The following AFG1L variants were observed in gnomAD, a reference collection of about 807,000 sequenced individuals.
AFG1L encodes the protein AFG1 like ATPase, also known as AFG1-like ATPase.
In AFG1L, 53 loss-of-function variants were observed where a neutral mutation model predicts 62.2. The ratio of observed to expected loss-of-function variants is 0.85; its 90% confidence interval spans 0.68 to 1.07. AFG1L has a LOEUF of 1.07. AFG1L is among the 50% of genes least tolerant of loss of function. The probability of loss-of-function intolerance (pLI) is 0.00; values close to 1 mark genes in which losing one functional copy is unlikely to be tolerated. For missense variants in AFG1L, 555 were observed against 590.5 expected (o/e 0.94, Z 0.62); for synonymous variants, 228 against 210.3 (o/e 1.08, Z -0.73).
intron 7 of AFG1L, among the ~76,000 whole-genome samples, chr6:108,406,755 A>G (rs765700247): frequency 1.3e-5 from 2 of 152,108 alleles, no homozygotes; most frequent in African/African-American, 4.8e-5. Context: ...CTCTTTTTTC[A>G]AATTGGGCAA....
chr6:108,513,503 G>T (rs1296967220), intron 11 of AFG1L, among the ~76,000 whole-genome samples: 4 of 152,224 alleles, frequency 2.6e-5, no homozygotes, highest in African/African-American at 7.2e-5. Context: ...CACCCACAGA[G>T]CCTCGCTCAT....
chr6:108,460,028 T>A (rs1772392003), intron 8 of AFG1L, among the ~76,000 whole-genome samples: 1 of 151,156 alleles, frequency 6.6e-6, no homozygotes, highest in Admixed American at 6.6e-5. Context: ...CTTATGTGGA[T>A]CCTGAATCAC....
rs771396540 is a variant in AFG1L, at chr6:108,347,044, G to A, written c.415+5G>A. 6.2e-7 allele frequency: 1 copy of A among 1,612,598 alleles called. No individual in the cohort carries two copies. The highest frequency in any genetic ancestry group is 1.1e-5 in the South Asian group (1 of 90,964). On this transcript the variant is annotated splice_donor_5th_base_variant and intron_variant, in intron 3 of 12. Coordinates refer to ENST00000368977, the MANE Select transcript of AFG1L (RefSeq NM_145315.5). ...TGTATGTTTATGGAGATGTTGGTAA[G>A]TGTGTTAAAATAAGTTTTGGGTGGG...
intron 7 of AFG1L, among the ~76,000 whole-genome samples, chr6:108,403,327 T>C (rs56945680): frequency 0.046 from 7,003 of 152,246 alleles, 528 homozygotes; most frequent in African/African-American, 0.16. Context: ...AGGGTTAAAA[T>C]GTTTTACCTT....
chr6:108,372,331 T>TC (rs1249351307), intron 6 of AFG1L, among the ~76,000 whole-genome samples: 1 of 151,282 alleles, frequency 6.6e-6, no homozygotes, highest in East Asian at 1.9e-4. Flanking sequence ...CCAAACTTGT[T>TC]CTTTTTTTTT....
chr6:108,352,693 T>C (rs1188124234), intron 3 of AFG1L, among the ~76,000 whole-genome samples: 2 of 152,058 alleles, frequency 1.3e-5, no homozygotes, highest in Non-Finnish European at 2.9e-5. Flanking sequence ...GCTTTTCGAG[T>C]AGCTGGGACT....
intron 1 of AFG1L, among the ~76,000 whole-genome samples, chr6:108,311,101 C>T (rs1334300727): frequency 2.0e-5 from 3 of 152,156 alleles, no homozygotes; most frequent in African/African-American, 7.2e-5. Context: ...GGGTTAAATT[C>T]AAACTGCTTA....
At chr6:108,437,993 G>A (rs1235266193) in intron 7 of AFG1L, among the ~76,000 whole-genome samples, 1 of 152,142 alleles carries the variant, frequency 6.6e-6, no homozygotes, top group African/African-American at 2.4e-5. Flanking sequence ...GTTTTCTTTT[G>A]GCTGTGGCTG....
At chr6:108,311,832 ATAATTAAGT>A (rs534833676) in intron 1 of AFG1L, among the ~76,000 whole-genome samples, 1 of 151,924 alleles carries the variant, frequency 6.6e-6, no homozygotes, top group Non-Finnish European at 1.5e-5. Context: ...TCTTTCCAGG[ATAATTAAGT>A]TATTTATTTA....
chr6:108,438,684 C>G (rs1771413763), intron 7 of AFG1L, among the ~76,000 whole-genome samples: 1 of 152,112 alleles, frequency 6.6e-6, no homozygotes, highest in South Asian at 2.1e-4. Flanking sequence ...CCTAGCCCAT[C>G]TAAAGCACAT....
chr6:108,494,926 C>T (rs1773918244), intron 10 of AFG1L, among the ~76,000 whole-genome samples: 1 of 151,658 alleles, frequency 6.6e-6, no homozygotes, highest in Non-Finnish European at 1.5e-5. Context: ...GTGCACCACC[C>T]TGCCCAGCTA....
chr6:108,452,712 C>G (rs1329824807), intron 8 of AFG1L, among the ~76,000 whole-genome samples: 2 of 152,192 alleles, frequency 1.3e-5, no homozygotes, highest in East Asian at 3.9e-4. Context: ...TTAGCCTTGG[C>G]ACAGATAGCA....
At chr6:108,364,216 C>A (rs150405228) in intron 5 of AFG1L, among the ~76,000 whole-genome samples, 3 of 152,136 alleles carry the variant, frequency 2.0e-5, no homozygotes, top group African/African-American at 7.2e-5. Flanking sequence ...AATTACCGTT[C>A]CCCGGCAAGG....
intron 6 of AFG1L, among the ~76,000 whole-genome samples, chr6:108,389,179 T>A (rs929231650): frequency 1.4e-4 from 21 of 152,196 alleles, no homozygotes; most frequent in African/African-American, 3.6e-4. Flanking sequence ...AGTCTGTTTT[T>A]TGAGAGACTA....
intron 1 of AFG1L, among the ~76,000 whole-genome samples, chr6:108,320,268 A>G (rs1777769083): frequency 6.6e-6 from 1 of 152,202 alleles, no homozygotes; most frequent in Non-Finnish European, 1.5e-5. Context: ...TTGACCTAAA[A>G]TAGTGGGACA....
intron 10 of AFG1L, among the ~76,000 whole-genome samples, chr6:108,494,553 C>A (rs937099475): frequency 1.3e-5 from 2 of 151,992 alleles, no homozygotes; most frequent in Admixed American, 1.3e-4. Flanking sequence ...AATCAAATGG[C>A]AAAACTTTCC....
At chr6:108,334,102 G>A (rs1025953673) in intron 2 of AFG1L, among the ~76,000 whole-genome samples, 1 of 152,042 alleles carries the variant, frequency 6.6e-6, no homozygotes, top group Non-Finnish European at 1.5e-5. Context: ...CTGCCTCCTG[G>A]GTTCAAGCAA....
At chr6:108,437,924 C>T (rs1456655687) in intron 7 of AFG1L, among the ~76,000 whole-genome samples, 2 of 152,132 alleles carry the variant, frequency 1.3e-5, no homozygotes, top group Non-Finnish European at 2.9e-5. Flanking sequence ...ACAGCTCAGC[C>T]ACCTACAAAC....
At chr6:108,493,565 C>T (rs576121104) in intron 10 of AFG1L, among the ~76,000 whole-genome samples, 10 of 152,236 alleles carry the variant, frequency 6.6e-5, no homozygotes, top group South Asian at 4.1e-4. Flanking sequence ...GTTGTACGGT[C>T]GAACCCAGTT....
Sources: allele counts gnomAD v4.1 joint callset (sites outside exome capture counted in the v4.1 genomes callset), GRCh38; gene constraint gnomAD v4.1.1; transcripts MANE v1.5; gene names NCBI Gene and HGNC (gene_info 2026-07-23, HGNC 2026-07-21).